EYS: variants seen among roughly 807,000 people sequenced by gnomAD.
EYS encodes EGF-like photoreceptor maintenance factor, also known as protein eyes shut homolog.
EYS carries 250 observed loss-of-function variants against 282.1 expected under a neutral mutation model. The ratio of observed to expected loss-of-function variants is 0.89; its 90% CI spans 0.80 to 0.98. EYS has a LOEUF of 0.98. Among genes scored for constraint, EYS ranks in the 50% least tolerant of loss-of-function variants. The pLI is 0.00. For synonymous variants in EYS, 1,355 were observed against 1,282.9 expected, an observed-to-expected ratio of 1.06 and a Z score of -1.20; for missense variants, 4,016 against 3,709.0, an observed-to-expected ratio of 1.08 and a Z score of -2.15.
At chr6:65,150,534 G>A (rs1161587369) in intron 12 of EYS, among the ~76,000 whole-genome samples, 2 of 151,780 alleles carry the variant, frequency 1.3e-5, no homozygotes, top group Non-Finnish European at 1.5e-5. Flanking sequence ...TTTCTATTAT[G>A]TCTTTCCTTA....
At chr6:65,411,600 C>T (rs559299129) in intron 5 of EYS, among the ~76,000 whole-genome samples, 67 of 152,124 alleles carry the variant, frequency 4.4e-4, no homozygotes, top group Non-Finnish European at 7.9e-4. Flanking sequence ...AGATCTCTCT[C>T]ATGCTACCCC....
chr6:64,798,859 T>C (rs766469646), intron 22 of EYS, among the ~76,000 whole-genome samples: 1 of 151,884 alleles, frequency 6.6e-6, no homozygotes, highest in Non-Finnish European at 1.5e-5. Context: ...TACTCCCACA[T>C]TTAATCAATA....
At chr6:64,193,286 TC>T (rs1765173277) in intron 31 of EYS, among the ~76,000 whole-genome samples, 1 of 152,126 alleles carries the variant, frequency 6.6e-6, no homozygotes, top group Non-Finnish European at 1.5e-5. Flanking sequence ...TAATTATGTG[TC>T]TTACATAGAA....
At chr6:65,613,722 C>A (rs115802575) in intron 2 of EYS, among the ~76,000 whole-genome samples, 1,922 of 151,824 alleles carry the variant, frequency 0.013, 33 homozygotes, top group African/African-American at 0.039. Context: ...CCAGGCAATT[C>A]GTTTAACTGA....
chr6:65,064,944 A>T (rs188121317), intron 12 of EYS, among the ~76,000 whole-genome samples: 1 of 152,238 alleles, frequency 6.6e-6, no homozygotes, highest in Admixed American at 6.5e-5. Context: ...TCTCACAGAA[A>T]GGCTGATCCT....
intron 31 of EYS, among the ~76,000 whole-genome samples, chr6:64,134,374 G>C (rs909500480): frequency 6.8e-6 from 1 of 147,764 alleles, no homozygotes; most frequent in East Asian, 1.9e-4. Context: ...GGAGATAGAT[G>C]TTTTTAGCAA....
chr6:65,627,394 G>A (rs1394580946), intron 2 of EYS, among the ~76,000 whole-genome samples: 2 of 152,160 alleles, frequency 1.3e-5, no homozygotes, highest in Non-Finnish European at 2.9e-5. Context: ...GCTCGCTCTC[G>A]GTGCCTCCTC....
intron 1 of EYS, among the ~76,000 whole-genome samples, chr6:65,668,363 C>T (rs923417448): frequency 6.6e-6 from 1 of 151,752 alleles, no homozygotes; most frequent in Non-Finnish European, 1.5e-5. Context: ...TAACCTTGCA[C>T]CTCATTATTT....
At chr6:65,633,439 A>T (rs1160495955) in intron 2 of EYS, among the ~76,000 whole-genome samples, 1 of 152,228 alleles carries the variant, frequency 6.6e-6, no homozygotes, top group Non-Finnish European at 1.5e-5. Context: ...AAGCATTTTC[A>T]TTTTATTTCA....
intron 31 of EYS, among the ~76,000 whole-genome samples, chr6:64,175,197 C>T (rs1265407279): frequency 2.0e-5 from 3 of 152,056 alleles, no homozygotes; most frequent in Non-Finnish European, 4.4e-5. Context: ...ATAAATGTAA[C>T]TCACTCAATA....
At chr6:65,267,680 C>T (rs902297690) in intron 12 of EYS, among the ~76,000 whole-genome samples, 3 of 151,910 alleles carry the variant, frequency 2.0e-5, no homozygotes, top group East Asian at 1.9e-4. Context: ...AACACAGGTT[C>T]GTAACAATTC....
intron 12 of EYS, among the ~76,000 whole-genome samples, chr6:65,083,963 TA>T (rs1774293645): frequency 1.3e-5 from 2 of 151,762 alleles, no homozygotes; most frequent in South Asian, 4.1e-4. Flanking sequence ...GAAATATTTT[TA>T]AAAGACATAT....
chr6:64,707,366 G>A (rs1386692267), intron 22 of EYS, among the ~76,000 whole-genome samples: 2 of 151,954 alleles, frequency 1.3e-5, no homozygotes, highest in African/African-American at 4.8e-5. Context: ...ATAGGGTGAG[G>A]GATAAAAGAC....
intron 22 of EYS, among the ~76,000 whole-genome samples, chr6:64,646,040 T>C (rs1768338658): frequency 6.6e-6 from 1 of 152,200 alleles, no homozygotes; most frequent in Admixed American, 6.5e-5. Context: ...TGAAAAACTA[T>C]ACTAGGAAGT....
chr6:65,465,967 T>TATCA (rs34867855), intron 5 of EYS, among the ~76,000 whole-genome samples: 373 of 150,562 alleles, frequency 2.5e-3, no homozygotes, highest in East Asian at 6.1e-3. Context: ...TAAGACCCTG[T>TATCA]ATCAATCAAT....
intron 35 of EYS, among the ~76,000 whole-genome samples, chr6:63,969,383 G>T (rs543348832): frequency 6.6e-6 from 1 of 152,116 alleles, no homozygotes; most frequent in Non-Finnish European, 1.5e-5. Flanking sequence ...TTATGAATTT[G>T]CATTTAAAAA....
chr6:65,588,648 A>T (rs1451954662), intron 2 of EYS, among the ~76,000 whole-genome samples: 1 of 152,112 alleles, frequency 6.6e-6, no homozygotes, highest in African/African-American at 2.4e-5. Flanking sequence ...TTCTCAAAGA[A>T]AGATCATTCC....
chr6:65,100,374 C>G (rs1225131814), intron 12 of EYS, among the ~76,000 whole-genome samples: 1 of 148,676 alleles, frequency 6.7e-6, no homozygotes. Flanking sequence ...TAATGAAGAA[C>G]AAAAAAAGAG....
At chr6:64,085,957 CG>C (rs1772144341) in intron 31 of EYS, among the ~76,000 whole-genome samples, 1 of 152,194 alleles carries the variant, frequency 6.6e-6, no homozygotes, top group South Asian at 2.1e-4. Flanking sequence ...AATACTAAGC[CG>C]TCATTTTTAT....
Sources: allele counts gnomAD v4.1 joint callset (sites outside exome capture counted in the v4.1 genomes callset), GRCh38; gene constraint gnomAD v4.1.1; transcripts MANE v1.5; gene names NCBI Gene and HGNC (gene_info 2026-07-23, HGNC 2026-07-21).